Variants in C2orf76 observed in about 807,000 individuals in gnomAD.
C2orf76 encodes the protein UPF0538 protein C2orf76.
C2orf76 carries 23 observed loss-of-function variants against 16.9 expected under a neutral mutation model. The ratio of observed to expected loss-of-function variants is 1.36; its 90% confidence interval spans 0.98 to 1.93. C2orf76 has a LOEUF of 1.93. Ranked by LOEUF, C2orf76 falls within the 30% of genes most tolerant of loss-of-function variation. The pLI is 0.00. For missense variants in C2orf76, 152 were observed against 152.6 expected (o/e 1.00, Z 0.02); for synonymous variants, 48 against 52.3 (o/e 0.92, Z 0.35).
chr2:119,314,817 T>C (rs1169329194), intron 4 of C2orf76, among the ~76,000 whole-genome samples: 1 of 152,198 alleles, frequency 6.6e-6, no homozygotes, highest in Admixed American at 6.5e-5. Context: ...TATCTTCCTA[T>C]CCAAAATATC....
chr2:119,322,582 A>G (rs1353290476), intron 2 of C2orf76, among the ~76,000 whole-genome samples: 1 of 152,198 alleles, frequency 6.6e-6, no homozygotes, highest in South Asian at 2.1e-4. Flanking sequence ...TATTAACTGC[A>G]GCATTGCTCA....
At chr2:119,285,901 G>C in the C2orf76 span, among the ~76,000 whole-genome samples, 230 of 152,230 alleles carry the variant, frequency 1.5e-3, 3 homozygotes, top group African/African-American at 5.2e-3. Context: ...ACCTCAGGGA[G>C]AGCCACATCG....
chr2:119,359,635 A>G (rs1680680402), intron 1 of C2orf76, among the ~76,000 whole-genome samples: 1 of 152,220 alleles, frequency 6.6e-6, no homozygotes. Flanking sequence ...AGGAAGTAAC[A>G]GCAAATGTGG....
chr2:119,333,098 T>C (rs991751104), intron 2 of C2orf76, among the ~76,000 whole-genome samples: 1 of 152,212 alleles, frequency 6.6e-6, no homozygotes, highest in Non-Finnish European at 1.5e-5. Context: ...CATCCTGTAG[T>C]AGAGTAGTAA....
At chr2:119,306,188 A>G (rs1678777495) in intron 5 of C2orf76, among the ~76,000 whole-genome samples, 1 of 152,196 alleles carries the variant, frequency 6.6e-6, no homozygotes, top group Non-Finnish European at 1.5e-5. Context: ...GAAAACACGC[A>G]TGACCTAAAA....
At chr2:119,318,220 C>T (rs1679235208) in intron 3 of C2orf76, among the ~76,000 whole-genome samples, 1 of 152,188 alleles carries the variant, frequency 6.6e-6, no homozygotes, top group African/African-American at 2.4e-5. Flanking sequence ...ACATAATCTA[C>T]ACAGCCATTC....
At chr2:119,311,028 G>C (rs529879820) in intron 5 of C2orf76, 1 of 446,554 alleles carries the variant, frequency 2.2e-6, no homozygotes, top group South Asian at 9.4e-5. Flanking sequence ...TCAGCTTTAG[G>C]TGTACATATA....
chr2:119,353,201 G>A (rs1378421948), intron 1 of C2orf76, among the ~76,000 whole-genome samples: 1 of 152,026 alleles, frequency 6.6e-6, no homozygotes, highest in Non-Finnish European at 1.5e-5. Context: ...GGTGATGTGG[G>A]GGAGCCTAAA....
At chr2:119,281,907 C>A in the C2orf76 span, among the ~76,000 whole-genome samples, 1 of 152,138 alleles carries the variant, frequency 6.6e-6, no homozygotes, top group Non-Finnish European at 1.5e-5. Context: ...TCTTACTGCG[C>A]TACCCACCCT....
At chr2:119,311,488 A>G in intron 5 of C2orf76, 134 bp downstream of exon 5, 1 of 1,439,322 alleles carries the variant, frequency 6.9e-7, no homozygotes, top group Non-Finnish European at 9.1e-7. Context: ...TCCTCCTCTG[A>G]ACAGTTACCG....
chr2:119,299,831 G>A (rs188504379), downstream of C2orf76, among the ~76,000 whole-genome samples: 6 of 152,228 alleles, frequency 3.9e-5, no homozygotes, highest in East Asian at 1.9e-4. Flanking sequence ...AATTGAATGC[G>A]TGCAAAGCAA....
At chr2:119,341,634 G>A (rs1573665114) in intron 1 of C2orf76, among the ~76,000 whole-genome samples, 2 of 152,026 alleles carry the variant, frequency 1.3e-5, no homozygotes, top group South Asian at 2.1e-4. Flanking sequence ...TTAAAGATAC[G>A]AGCAGGGCAT....
At chr2:119,282,958 C>G in the C2orf76 span, among the ~76,000 whole-genome samples, 1 of 152,228 alleles carries the variant, frequency 6.6e-6, no homozygotes, top group East Asian at 1.9e-4. Context: ...CTCCTCTAAG[C>G]CCCTCCTGAA....
chr2:119,335,072 G>A (rs991361416), intron 2 of C2orf76, among the ~76,000 whole-genome samples: 2 of 152,156 alleles, frequency 1.3e-5, no homozygotes, highest in East Asian at 3.9e-4. Flanking sequence ...ATGACCCACA[G>A]GGTAATGGAT....
intron 1 of C2orf76, among the ~76,000 whole-genome samples, chr2:119,341,476 C>G (rs1680027970): frequency 6.6e-6 from 1 of 152,196 alleles, no homozygotes; most frequent in Non-Finnish European, 1.5e-5. Context: ...ACTGTGCCCA[C>G]AGATACACAG....
At chr2:119,298,155 T>A (rs909545774), downstream of C2orf76, among the ~76,000 whole-genome samples, 1 of 152,216 alleles carries the variant, frequency 6.6e-6, no homozygotes, top group Non-Finnish European at 1.5e-5. Context: ...TATGAAATTA[T>A]GGCATACGCC....
intron 3 of C2orf76, among the ~76,000 whole-genome samples, chr2:119,320,223 A>G (rs549388672): frequency 6.6e-6 from 1 of 152,314 alleles, no homozygotes; most frequent in East Asian, 1.9e-4. Context: ...ACACCATGAA[A>G]AAAGGAAACC....
intron 1 of C2orf76, among the ~76,000 whole-genome samples, chr2:119,354,535 T>C (rs12998285): frequency 0.19 from 28,245 of 151,968 alleles, 3,120 homozygotes; most frequent in Middle Eastern, 0.29. Flanking sequence ...AATATAAAAA[T>C]TTTTTTTAAA....
intron 2 of C2orf76, among the ~76,000 whole-genome samples, chr2:119,324,892 T>C (rs1408891516): frequency 6.6e-6 from 1 of 152,230 alleles, no homozygotes; most frequent in Non-Finnish European, 1.5e-5. Context: ...ATGTTCTTTA[T>C]GCTAAAGGTC....
Sources: gnomAD v4.1 joint callset for allele counts (sites outside exome capture counted in the v4.1 genomes callset) on GRCh38, gnomAD v4.1.1 for gene constraint, MANE v1.5 for transcripts, NCBI Gene and HGNC (gene_info 2026-07-23, HGNC 2026-07-21) for gene names.